The following ZDHHC15 variants were observed in gnomAD, a reference collection of about 807,000 sequenced individuals.
The protein encoded by ZDHHC15 is palmitoyltransferase ZDHHC15.
In ZDHHC15, 19 loss-of-function variants were observed where a neutral mutation model predicts 31.7. That is an observed-to-expected ratio of 0.60 (90% confidence interval 0.42 to 0.88). The LOEUF is 0.88. Ranked by LOEUF, ZDHHC15 falls within the 40% of genes least tolerant of loss-of-function variation. The pLI, the probability that ZDHHC15 is intolerant of heterozygous loss-of-function variation, is 0.00. For synonymous variants in ZDHHC15, 103 were observed against 90.0 expected (o/e 1.14, Z -0.82); for missense variants, 209 against 251.2 (o/e 0.83, Z 1.14).
At chrX:75,423,987 A>G (rs964921836) in intron 8 of ZDHHC15, among the ~76,000 whole-genome samples, 1 of 111,384 alleles carries the variant, frequency 9.0e-6, no homozygotes, top group African/African-American at 3.3e-5. Flanking sequence ...TTCACCATAG[A>G]TGAAATAAAA....
intron 10 of ZDHHC15, among the ~76,000 whole-genome samples, chrX:75,394,765 A>G (rs2083282354): frequency 8.9e-6 from 1 of 111,954 alleles, no homozygotes; most frequent in Admixed American, 9.4e-5. Flanking sequence ...CTCCAAAACA[A>G]TAACAGCTGG....
chrX:75,417,738 T>A (rs780113388), intron 9 of ZDHHC15, among the ~76,000 whole-genome samples: 1 of 111,589 alleles, frequency 9.0e-6, no homozygotes, highest in Non-Finnish European at 1.9e-5. Context: ...ACATGTGGGG[T>A]CTCGCTTTGT....
chrX:75,471,181 C>T (rs2084497848), intron 3 of ZDHHC15, among the ~76,000 whole-genome samples: 1 of 112,362 alleles, frequency 8.9e-6, no homozygotes, highest in Non-Finnish European at 1.9e-5. Context: ...CATTCCTGTC[C>T]ATAAGGCCCA....
At chrX:75,407,679 C>T (rs2083434893) in intron 10 of ZDHHC15, among the ~76,000 whole-genome samples, 1 of 113,161 alleles carries the variant, frequency 8.8e-6, no homozygotes, top group African/African-American at 3.2e-5. Flanking sequence ...TGAGGAGCCC[C>T]TCTGCCCGGC....
chrX:75,509,662 T>C (rs1388057937), intron 1 of ZDHHC15, among the ~76,000 whole-genome samples: 1 of 112,551 alleles, frequency 8.9e-6, no homozygotes, highest in African/African-American at 3.2e-5. Flanking sequence ...GGTTAATTAA[T>C]CACTGTGTGC....
chrX:75,375,274 A>C (rs911444598), intron 11 of ZDHHC15, among the ~76,000 whole-genome samples: 1 of 112,023 alleles, frequency 8.9e-6, no homozygotes, highest in African/African-American at 3.2e-5. Context: ...TTAATAGATA[A>C]AAATTAGTAT....
In ZDHHC15 at chrX:75,394,470, C is replaced by A. The variant is rs140396691; in HGVS notation, c.968-15272G>T. On this transcript the variant is annotated intron_variant, in intron 10 of 11. Transcript: ENST00000373367. Reference sequence around the variant, plus strand: ...ACAAGACCCGATGATCTATTACCTACAAGAAACACCTTTCATCTATAAAGA... The same window carrying A: ...ACAAGACCCGATGATCTATTACCTAAAAGAAACACCTTTCATCTATAAAGA... 5.6e-4 allele frequency among the ~76,000 whole-genome samples: 60 copies of A among 106,434 alleles called. No homozygotes were observed. The East Asian group carries it at 0.017, about 29-fold the overall frequency. 92.4% of individuals were successfully genotyped at this position (106,434 alleles called of 115,157 possible). A position where few individuals can be genotyped will look rare whatever the true frequency, so the allele number is the denominator to read the frequency against.
At chrX:75,508,184 T>C (rs887702123) in intron 1 of ZDHHC15, among the ~76,000 whole-genome samples, 3 of 110,419 alleles carry the variant, frequency 2.7e-5, no homozygotes, top group Admixed American at 9.7e-5. Flanking sequence ...CTAGGGTACA[T>C]GTGCACAACA....
At chrX:75,489,994 T>C (rs1259677559) in intron 2 of ZDHHC15, among the ~76,000 whole-genome samples, 1 of 111,461 alleles carries the variant, frequency 9.0e-6, no homozygotes, top group Non-Finnish European at 1.9e-5. Context: ...GTATCAGTGA[T>C]GGAAGATCAA....
chrX:75,380,088 T>C (rs2083098955), intron 10 of ZDHHC15, among the ~76,000 whole-genome samples: 1 of 112,278 alleles, frequency 8.9e-6, no homozygotes, highest in South Asian at 3.7e-4. Flanking sequence ...TCTGGAATCC[T>C]AGCCTTAGGG....
intron 10 of ZDHHC15, among the ~76,000 whole-genome samples, chrX:75,402,535 C>G (rs959863893): frequency 1.8e-5 from 2 of 111,018 alleles, no homozygotes; most frequent in African/African-American, 6.5e-5. Context: ...ATCCAATAAA[C>G]ACAATCAGAA....
In ZDHHC15 at chrX:75,520,627, G is replaced by A. The variant is rs778317715; in HGVS notation, c.136+2262C>T. Among the ~76,000 whole-genome samples, 67 of 110,593 alleles carry A rather than the reference G, an allele frequency of 6.1e-4. 1 individual carries two copies. The highest frequency in any genetic ancestry group is 1.9e-3 in the South Asian group (5 of 2,577). On this transcript the variant is annotated intron_variant, in intron 1 of 11. Coordinates refer to ENST00000373367, the MANE Select transcript of ZDHHC15 (RefSeq NM_144969.3). Reference sequence around the variant, plus strand: ...GGAGCAATGTCCATACCATAATAATGGTGCTGAACTTTTGACCCTTCAATC... The same window carrying A: ...GGAGCAATGTCCATACCATAATAATAGTGCTGAACTTTTGACCCTTCAATC...
chrX:75,457,645 TCACACA>T lies in ZDHHC15; in HGVS notation c.259-6729_259-6724del, dbSNP rs35992807. Reference sequence around the variant, plus strand: ...GCATGTATTAAAGTTTTATTTACACTCACACACACACACACACACACACACACACAC... The same window carrying T: ...GCATGTATTAAAGTTTTATTTACACTCACACACACACACACACACACACAC... On this transcript the variant is annotated intron_variant, in intron 3 of 11. Transcript: ENST00000373367. 2.7e-3 allele frequency among the ~76,000 whole-genome samples: 254 copies of T among 93,913 alleles called. 1 individual carries two copies. Among genetic ancestry groups the T allele is most frequent in the African/African-American group, 8.0e-3 (208 of 26,032 alleles). 81.6% of individuals were successfully genotyped at this position (93,913 alleles called of 115,157 possible). A position where few individuals can be genotyped will look rare whatever the true frequency, so the allele number is the denominator to read the frequency against.
intron 10 of ZDHHC15, among the ~76,000 whole-genome samples, chrX:75,415,966 A>T (rs768946706): frequency 5.3e-5 from 6 of 112,218 alleles, no homozygotes; most frequent in Non-Finnish European, 9.4e-5. Flanking sequence ...CCAAAATAAG[A>T]GTTGTTATAA....
chrX:75,442,942 C>T (rs1242429196), intron 4 of ZDHHC15, among the ~76,000 whole-genome samples: 7 of 100,613 alleles, frequency 7.0e-5, no homozygotes, highest in South Asian at 9.9e-4. Flanking sequence ...GCCGAGAGCC[C>T]GCCACTGCAC....
rs769361852 is a variant in ZDHHC15, at chrX:75,407,264, G to A, written c.967+9823C>T. Among the ~76,000 whole-genome samples, 419 of 108,628 alleles carry A rather than the reference G, an allele frequency of 3.9e-3. 5 individuals are homozygous for A. Among genetic ancestry groups the A allele is most frequent in the African/African-American group, 0.012 (368 of 29,901 alleles). 94.3% of individuals were successfully genotyped at this position (108,628 alleles called of 115,157 possible). ...AGGAGCGTCTCTGCCCAGCCGCCCC[G>A]TCTGAGAAGTGAGGAGCCCCTCCGC... On this transcript the variant is annotated intron_variant, in intron 10 of 11. Coordinates refer to ENST00000373367, the MANE Select transcript of ZDHHC15 (RefSeq NM_144969.3).
intron 1 of ZDHHC15, among the ~76,000 whole-genome samples, chrX:75,507,228 G>A (rs1159979703): frequency 1.8e-5 from 2 of 111,200 alleles, no homozygotes; most frequent in African/African-American, 6.5e-5. Flanking sequence ...TAGCAGCCTT[G>A]GGAAAAAGTG....
intron 4 of ZDHHC15, among the ~76,000 whole-genome samples, chrX:75,449,201 TACACACACACACACACACACACAC>T (rs3075226): frequency 1.3e-4 from 10 of 76,665 alleles, no homozygotes; most frequent in African/African-American, 2.4e-4. Context: ...TCTCTCTCTA[TACACACACACACACACACACACAC>T]ACACACACAC....
intron 10 of ZDHHC15, among the ~76,000 whole-genome samples, chrX:75,397,305 C>CAACA (rs962296918): frequency 1.0e-5 from 1 of 97,608 alleles, no homozygotes; most frequent in African/African-American, 3.7e-5. Flanking sequence ...ACAGCCTGGG[C>CAACA]AACAGAGTGA....
Sources: allele counts gnomAD v4.1 joint callset (sites outside exome capture counted in the v4.1 genomes callset), GRCh38; gene constraint gnomAD v4.1.1; transcripts MANE v1.5; gene names NCBI Gene and HGNC (gene_info 2026-07-23, HGNC 2026-07-21).